The following SERPINF2 variants were observed in gnomAD, a reference collection of about 807,000 sequenced individuals.
SERPINF2 encodes alpha-2-antiplasmin.
In SERPINF2, 15 loss-of-function variants were observed where a neutral mutation model predicts 45.0. The ratio of observed to expected loss-of-function variants is 0.33; its 90% CI spans 0.22 to 0.51. SERPINF2 has a LOEUF of 0.51. SERPINF2 is among the 20% of genes least tolerant of loss of function. The pLI is 0.97. For synonymous variants in SERPINF2, 283 were observed against 277.9 expected (o/e 1.02, Z -0.18); for missense variants, 518 against 637.4 (o/e 0.81, Z 2.02).
chr17:1,748,786 G>C, intron 8 of SERPINF2, 46 bp downstream of exon 8: 1 of 1,007,730 alleles, frequency 9.9e-7, no homozygotes. Flanking sequence ...CTGGGAGGTG[G>C]GGAAGGGAGT....
chr17:1,750,496 C>T (rs1410479460), intron 8 of SERPINF2, among the ~76,000 whole-genome samples: 2 of 151,846 alleles, frequency 1.3e-5, no homozygotes, highest in Admixed American at 1.3e-4. Flanking sequence ...CCATGTTGGC[C>T]AGGCTGATCT....
chr17:1,755,245 C>T lies in SERPINF2; in HGVS notation c.*711C>T, dbSNP rs1906752193. ...GTTTTTGTAGTGATTTTTATGCCACCTGAATAAAGAATGAATGGGCCTGGC... is the reference window on the plus strand; with the variant it reads ...GTTTTTGTAGTGATTTTTATGCCACTTGAATAAAGAATGAATGGGCCTGGC... On this transcript the variant is annotated 3_prime_UTR_variant, in exon 10 of 10. Transcript: ENST00000453066. The surrounding 1 kb of genome is among the most constrained non-coding windows in gnomAD (Gnocchi z 4.2). The T allele has an allele frequency of 6.6e-6, 1 of 152,482 alleles. No homozygotes were observed. Among genetic ancestry groups the T allele is most frequent in the African/African-American group, 2.4e-5 (1 of 41,456 alleles). The allele number at this position is 152,482 out of a possible 1,614,324, so 9.4% of individuals were successfully genotyped here.
At chr17:1,753,059 G>T (rs1906527003) in intron 9 of SERPINF2, among the ~76,000 whole-genome samples, 1 of 152,220 alleles carries the variant, frequency 6.6e-6, no homozygotes, top group South Asian at 2.1e-4. Context: ...GATGGCATGT[G>T]AGCCTCGCTG....
At chr17:1,743,519 C>G (rs1336152196) in intron 1 of SERPINF2, among the ~76,000 whole-genome samples, 1 of 151,542 alleles carries the variant, frequency 6.6e-6, no homozygotes, top group Non-Finnish European at 1.5e-5. Context: ...AGTTCGAGAC[C>G]AGCCTGACCA....
chr17:1,745,512 G>T lies in SERPINF2; in HGVS notation c.165+117G>T. The T allele has an allele frequency of 7.5e-7, 1 of 1,328,022 alleles. No homozygotes were observed. The highest frequency in any genetic ancestry group is 1.1e-6 in the Non-Finnish European group (1 of 947,728). 82.3% of individuals were successfully genotyped at this position (1,328,022 alleles called of 1,614,324 possible). A position where few individuals can be genotyped will look rare whatever the true frequency, so the allele number is the denominator to read the frequency against. ...CTGAGGCTCTGGAGTCCAGAGGCCA[G>T]AAGGGAGAGAGGGTGGGGAGGACCG... On this transcript the variant is annotated intron_variant, in intron 4 of 9. Transcript: ENST00000453066. The surrounding 1 kb of genome is among the most constrained non-coding windows in gnomAD (Gnocchi z 6.2).
In SERPINF2 at chr17:1,755,144, T is replaced by C. The variant is rs1333495591; in HGVS notation, c.*610T>C. The C allele has an allele frequency of 6.5e-6, 1 of 153,210 alleles. No homozygotes were observed. Among genetic ancestry groups the C allele is most frequent in the African/African-American group, 2.4e-5 (1 of 41,482 alleles). The allele number at this position is 153,210 out of a possible 1,614,324, so 9.5% of individuals were successfully genotyped here. A position where few individuals can be genotyped will look rare whatever the true frequency, so the allele number is the denominator to read the frequency against. On this transcript the variant is annotated 3_prime_UTR_variant, in exon 10 of 10. Coordinates refer to ENST00000453066, the MANE Select transcript of SERPINF2 (RefSeq NM_000934.4). This position sits in a 1 kb window ranked among gnomAD's most constrained non-coding sequence, Gnocchi z 4.2. Reference sequence around the variant, plus strand: ...AGCATTTCCCTTCCTTCCTCTCCTGTCTCCCTCCTCTGCCCGGGAGCTCAG... The same window carrying C: ...AGCATTTCCCTTCCTTCCTCTCCTGCCTCCCTCCTCTGCCCGGGAGCTCAG...
At chr17:1,744,525 CGGTCTTAT>C (rs1905613799) in intron 1 of SERPINF2, 2 of 982,706 alleles carry the variant, frequency 2.0e-6, no homozygotes, top group South Asian at 9.4e-5. Flanking sequence ...CCCAAAAAGA[CGGTCTTAT>C]TTTGGTCCTC....
chr17:1,744,769 A>G, intron 1 of SERPINF2: 8 of 985,416 alleles, frequency 8.1e-6, no homozygotes, highest in Non-Finnish European at 9.6e-6. Context: ...ATGAAATATG[A>G]AACACCAGAA....
chr17:1,754,008 G>T (rs1351582413), intron 9 of SERPINF2, 114 bp from the exon 10 acceptor site: 15 of 1,201,894 alleles, frequency 1.2e-5, no homozygotes, highest in Non-Finnish European at 1.7e-5. Context: ...AATGAAGCAG[G>T]TATCTGTGAG....
In SERPINF2 at chr17:1,754,287, G is replaced by A; in HGVS notation, c.1229G>A (p.Ser410Asn). The A allele has an allele frequency of 6.2e-7, 1 of 1,614,214 alleles. No individual in the cohort carries two copies. The highest frequency in any genetic ancestry group is 8.5e-7 in the Non-Finnish European group (1 of 1,180,048). ...TCCCGCATGTCCCTGTCCTCCTTCA[G>A]CGTGAACCGCCCCTTCCTCTTCTTC... ...AMSRMSLSSF[S>N]VNRPFLFFIF... Residue 410 changes from serine to asparagine, a missense_variant, in exon 10 of 10, where the codon AGC becomes AAC. By Grantham distance (46) the Ser-to-Asn change is conservative. Coordinates refer to ENST00000453066, the MANE Select transcript of SERPINF2 (RefSeq NM_000934.4).
chr17:1,753,410 G>C (rs1906560216), intron 9 of SERPINF2, among the ~76,000 whole-genome samples: 1 of 152,168 alleles, frequency 6.6e-6, no homozygotes, highest in Non-Finnish European at 1.5e-5. Flanking sequence ...ATAAAGGCCG[G>C]GCATGGTGGC....
In SERPINF2 at chr17:1,745,928, T is replaced by C. The variant is rs767206143; in HGVS notation, c.367+19T>C. The C allele has an allele frequency of 1.2e-6, 2 of 1,608,992 alleles. No individual in the cohort carries two copies. Among genetic ancestry groups the C allele is most frequent in the Non-Finnish European group, 1.7e-6 (2 of 1,178,068 alleles). The stretch of plus-strand genomic sequence containing the variant: ...GCACTAGGTACCCTGGCACCACTTG[T>C]CCAGACCAAGAGAGCTGGGAGGCCA... On this transcript the variant is annotated intron_variant, in intron 5 of 9. Transcript: ENST00000453066. This position sits in a 1 kb window ranked among gnomAD's most constrained non-coding sequence, Gnocchi z 6.2.
At chr17:1,744,131 G>T (rs141980492) in intron 1 of SERPINF2, among the ~76,000 whole-genome samples, 35,028 of 150,842 alleles carry the variant, frequency 0.23, 5,056 homozygotes, top group East Asian at 0.5. Flanking sequence ...CCGACCTCAG[G>T]TGATCCACCT....
chr17:1,753,849 A>G lies in SERPINF2; in HGVS notation c.1064-273A>G, dbSNP rs534114075. On this transcript the variant is annotated intron_variant, in intron 9 of 9. Transcript: ENST00000453066. ...GCAGACGAGCAATCACATACTTACT[A>G]CAGCATAAGCGATAAGACAGAGAGG... Among the ~76,000 whole-genome samples, 40 of 152,322 alleles carry G rather than the reference A, an allele frequency of 2.6e-4. 2 individuals are homozygous for G. The South Asian group carries it at 5.0e-3, about 19-fold the overall frequency.
In SERPINF2 at chr17:1,754,856, A is replaced by C; in HGVS notation, c.*322A>C. On this transcript the variant is annotated 3_prime_UTR_variant, in exon 10 of 10. Transcript: ENST00000453066. ...AGCTGCTCCCCACGTCAGCTGGGACACCCCGACTTTTGTTTACCAGAGAAA... is the reference window on the plus strand; with the variant it reads ...AGCTGCTCCCCACGTCAGCTGGGACCCCCCGACTTTTGTTTACCAGAGAAA... The C allele has an allele frequency of 7.0e-6, 3 of 425,848 alleles. No individual in the cohort carries two copies. The highest frequency in any genetic ancestry group is 8.3e-6 in the Non-Finnish European group (2 of 240,026). The allele number at this position is 425,848 out of a possible 1,614,324, so 26.4% of individuals were successfully genotyped here.
At chr17:1,744,852 T>C (rs1249848566) in intron 1 of SERPINF2, 140 bp from the exon 2 acceptor site, 2 of 1,540,944 alleles carry the variant, frequency 1.3e-6, no homozygotes, top group African/African-American at 1.4e-5. Context: ...GTGTTTGGGG[T>C]CTGTTCTGAT....
chr17:1,754,398 A>G lies in SERPINF2; in HGVS notation c.1340A>G (p.Gln447Arg). 6.2e-7 allele frequency: 1 copy of G among 1,613,754 alleles called. No homozygotes were observed. ...NPSAPRELKE[Q>R]QDSPGNKDFL... ...AGTGCACCGCGGGAGCTCAAGGAAC[A>G]GCAGGATTCCCCGGGCAACAAGGAC... is the stretch of plus-strand genomic sequence containing the variant. Residue 447 changes from glutamine to arginine, a missense_variant, in exon 10 of 10, where the codon CAG becomes CGG. This residue lies in a region of SERPINF2 where 83 missense variants were observed against 60.0 expected (regional missense o/e 1.38). Coordinates refer to ENST00000453066, the MANE Select transcript of SERPINF2 (RefSeq NM_000934.4).
chr17:1,749,549 G>T (rs1293657691), intron 8 of SERPINF2, among the ~76,000 whole-genome samples: 4 of 152,248 alleles, frequency 2.6e-5, no homozygotes, highest in Non-Finnish European at 5.9e-5. Context: ...AGTGGGCTGA[G>T]ATCGCACCAC....
intron 8 of SERPINF2, among the ~76,000 whole-genome samples, chr17:1,752,378 C>G (rs1906474808): frequency 6.6e-6 from 1 of 152,110 alleles, no homozygotes; most frequent in African/African-American, 2.4e-5. Context: ...ACTTTAAAAG[C>G]ATCTCATTCG....
Sources: allele counts gnomAD v4.1 joint callset (sites outside exome capture counted in the v4.1 genomes callset), GRCh38; gene constraint gnomAD v4.1.1; regional missense constraint gnomAD v4.1.1; non-coding constraint Gnocchi (gnomAD v3.1); transcripts MANE v1.5; gene names NCBI Gene and HGNC (gene_info 2026-07-23, HGNC 2026-07-21).